FOXJ3: variants seen among roughly 807,000 people sequenced by gnomAD.
FOXJ3 encodes forkhead box J3.
A neutral mutation model predicts 76.1 loss-of-function variants in FOXJ3; 22 were observed. That is an observed-to-expected ratio of 0.29 (90% CI 0.21 to 0.41). The LOEUF is 0.41. Ranked by LOEUF, FOXJ3 falls within the 10% of genes least tolerant of loss-of-function variation. FOXJ3 has a pLI of 1.00. For synonymous variants in FOXJ3, 269 were observed against 261.2 expected, an observed-to-expected ratio of 1.03 and a Z score of -0.29; for missense variants, 613 against 762.1, an observed-to-expected ratio of 0.80 and a Z score of 2.30.
chr1:42,203,764 G>A (rs1476347931), intron 6 of FOXJ3, among the ~76,000 whole-genome samples: 1 of 152,116 alleles, frequency 6.6e-6, no homozygotes, highest in Non-Finnish European at 1.5e-5. Flanking sequence ...GGGAGGCCAA[G>A]GCGGACAGAT....
chr1:42,221,375 G>A (rs912096926), intron 5 of FOXJ3, among the ~76,000 whole-genome samples: 1 of 152,118 alleles, frequency 6.6e-6, no homozygotes, highest in Admixed American at 6.5e-5. Context: ...GGGTTGGGGG[G>A]ATCAAAGAAT....
chr1:42,305,693 C>T (rs965275962), intron 2 of FOXJ3, among the ~76,000 whole-genome samples: 1 of 152,062 alleles, frequency 6.6e-6, no homozygotes, highest in African/African-American at 2.4e-5. Flanking sequence ...GTAGAAGGAT[C>T]GTTGGTTACC....
At position 42,265,118 on chromosome 1, in the gene FOXJ3, T is replaced by G; in HGVS notation, c.441A>C (p.Gly147=). The G allele has an allele frequency of 6.4e-7, 1 of 1,562,878 alleles. No homozygotes were observed. Among genetic ancestry groups the G allele is most frequent in the Non-Finnish European group, 8.8e-7 (1 of 1,134,182 alleles). ...GTTTTAAGAAGATGAATCCTACCTTTCCAGGGTCATCCTTAGATCGAGGCA... is the reference window on the plus strand; with the variant it reads ...GTTTTAAGAAGATGAATCCTACCTTGCCAGGGTCATCCTTAGATCGAGGCA... ...LKVPRSKDDP[G]KGSYWAIDTN... is the part of the protein sequence containing the mutation. The change falls in exon 4 of 13, where the codon GGA becomes GGC. Residue 147 remains glycine, a synonymous_variant. Coordinates refer to ENST00000361346, the MANE Select transcript of FOXJ3 (RefSeq NM_014947.5).
intron 4 of FOXJ3, among the ~76,000 whole-genome samples, chr1:42,262,309 T>C (rs1372085248): frequency 6.6e-6 from 1 of 152,224 alleles, no homozygotes; most frequent in Non-Finnish European, 1.5e-5. Flanking sequence ...TATGCCTGGG[T>C]TCTAATTCCA....
intron 5 of FOXJ3, among the ~76,000 whole-genome samples, chr1:42,227,505 T>C (rs1647668074): frequency 6.6e-6 from 1 of 152,224 alleles, no homozygotes; most frequent in South Asian, 2.1e-4. Flanking sequence ...AAAAGGTATT[T>C]TGAGGACAAT....
intron 6 of FOXJ3, among the ~76,000 whole-genome samples, chr1:42,204,619 C>T (rs187986573): frequency 1.2e-4 from 18 of 152,198 alleles, no homozygotes; most frequent in African/African-American, 2.9e-4. Context: ...TTTTAAAGGA[C>T]GTATTTCTGG....
intron 2 of FOXJ3, among the ~76,000 whole-genome samples, chr1:42,295,799 T>C (rs1387264894): frequency 6.6e-6 from 1 of 152,182 alleles, no homozygotes; most frequent in East Asian, 1.9e-4. Flanking sequence ...ACTGCTGGAA[T>C]TACAGGCATG....
intron 4 of FOXJ3, among the ~76,000 whole-genome samples, chr1:42,243,944 T>C (rs1046665219): frequency 6.6e-6 from 1 of 152,088 alleles, no homozygotes; most frequent in Non-Finnish European, 1.5e-5. Flanking sequence ...CTCAAAAAAA[T>C]TTTAAAATCA....
intron 7 of FOXJ3, among the ~76,000 whole-genome samples, chr1:42,198,541 A>G (rs999465526): frequency 1.3e-5 from 2 of 152,216 alleles, no homozygotes; most frequent in Non-Finnish European, 2.9e-5. Context: ...GAAATAACAG[A>G]TAACCTAAGA....
At chr1:42,328,806 G>A (rs760428280) in intron 1 of FOXJ3, among the ~76,000 whole-genome samples, 1 of 151,064 alleles carries the variant, frequency 6.6e-6, no homozygotes, top group Middle Eastern at 3.4e-3. Flanking sequence ...AGCTGGGACT[G>A]CAGGAACCCA....
intron 2 of FOXJ3, chr1:42,280,496 G>A (rs12064658): frequency 6.0e-6 from 5 of 836,700 alleles, no homozygotes; most frequent in Admixed American, 1.0e-4. Context: ...ATCTCAACCA[G>A]AAATGCCTGT....
At chr1:42,223,598 A>T (rs1211271235) in intron 5 of FOXJ3, among the ~76,000 whole-genome samples, 1 of 152,196 alleles carries the variant, frequency 6.6e-6, no homozygotes, top group African/African-American at 2.4e-5. Flanking sequence ...CTAGTCTCAA[A>T]GTCTCATTCC....
chr1:42,320,601 T>C (rs1179827336), intron 1 of FOXJ3, among the ~76,000 whole-genome samples: 4 of 152,194 alleles, frequency 2.6e-5, no homozygotes, highest in Non-Finnish European at 5.9e-5. Flanking sequence ...ATTATATGTT[T>C]AAAGGTATAT....
At chr1:42,308,310 C>T (rs1175827551) in intron 2 of FOXJ3, among the ~76,000 whole-genome samples, 3 of 152,184 alleles carry the variant, frequency 2.0e-5, no homozygotes, top group Non-Finnish European at 4.4e-5. Context: ...GGCTCTACTC[C>T]TATTGGGTAG....
At chr1:42,283,828 C>A (rs762701090) in intron 2 of FOXJ3, among the ~76,000 whole-genome samples, 1 of 152,202 alleles carries the variant, frequency 6.6e-6, no homozygotes, top group East Asian at 1.9e-4. Context: ...GGCAGAGACT[C>A]CTATTGCCAC....
At chr1:42,217,480 G>C (rs1391432578) in intron 5 of FOXJ3, among the ~76,000 whole-genome samples, 4 of 151,840 alleles carry the variant, frequency 2.6e-5, no homozygotes, top group Non-Finnish European at 5.9e-5. Flanking sequence ...AGTGAGCCGA[G>C]ATCGTGCCAC....
intron 3 of FOXJ3, among the ~76,000 whole-genome samples, chr1:42,267,422 A>G (rs147000136): frequency 6.6e-5 from 10 of 152,234 alleles, no homozygotes; most frequent in African/African-American, 2.2e-4. Flanking sequence ...AAAGACATAA[A>G]TTTTAAAAAA....
At chr1:42,251,706 A>ATTTTTTTTTTTTTTTTTTT (rs1168120638) in intron 4 of FOXJ3, among the ~76,000 whole-genome samples, 3 of 87,572 alleles carry the variant, frequency 3.4e-5, no homozygotes, top group African/African-American at 1.5e-4. Context: ...GTTTGCCAGT[A>ATTTTTTTTTTTTTTTTTTT]TTTTTTTTTT....
intron 2 of FOXJ3, among the ~76,000 whole-genome samples, chr1:42,279,481 G>C (rs1652537355): frequency 6.6e-6 from 1 of 152,102 alleles, no homozygotes; most frequent in South Asian, 2.1e-4. Flanking sequence ...CTAAAAGACA[G>C]GTTTGGGCAA....
Sources: allele counts gnomAD v4.1 joint callset (sites outside exome capture counted in the v4.1 genomes callset), GRCh38; gene constraint gnomAD v4.1.1; transcripts MANE v1.5; gene names NCBI Gene and HGNC (gene_info 2026-07-23, HGNC 2026-07-21).